CA10: variants seen among roughly 807,000 people sequenced by gnomAD.
CA10 encodes the protein carbonic anhydrase-related protein 10.
CA10 carries 14 observed loss-of-function variants against 44.2 expected under a neutral mutation model. The observed-to-expected ratio is 0.32, with a 90% CI of 0.21 to 0.50. CA10 has a LOEUF of 0.50. Ranked by LOEUF, CA10 falls within the 20% of genes least tolerant of loss-of-function variation. CA10 has a pLI of 0.99. For missense variants in CA10, 350 were observed against 409.7 expected (o/e 0.85, Z 1.26); for synonymous variants, 159 against 141.6 (o/e 1.12, Z -0.87).
intron 2 of CA10, among the ~76,000 whole-genome samples, chr17:51,937,946 C>T (rs1023754981): frequency 5.9e-5 from 9 of 152,084 alleles, no homozygotes; most frequent in African/African-American, 2.2e-4. Context: ...CAGAGATATA[C>T]TAGTCCTAAC....
At chr17:51,878,071 A>G (rs528312499) in intron 3 of CA10, among the ~76,000 whole-genome samples, 2 of 147,004 alleles carry the variant, frequency 1.4e-5, no homozygotes, top group African/African-American at 5.0e-5. Flanking sequence ...TTGAACCCAG[A>G]AGGCGGAGGT....
chr17:51,784,345 T>C (rs1423641127), intron 3 of CA10, among the ~76,000 whole-genome samples: 1 of 152,172 alleles, frequency 6.6e-6, no homozygotes, highest in Admixed American at 6.5e-5. Flanking sequence ...CTCTGAAAGG[T>C]GTGAGGGAAA....
intron 3 of CA10, among the ~76,000 whole-genome samples, chr17:51,768,531 C>T: frequency 6.6e-6 from 1 of 152,112 alleles, no homozygotes; most frequent in East Asian, 1.9e-4. Flanking sequence ...TAAGGCAAGC[C>T]AGCAAGAGTT....
At chr17:51,808,573 A>G (rs1907227686) in intron 3 of CA10, among the ~76,000 whole-genome samples, 2 of 152,238 alleles carry the variant, frequency 1.3e-5, no homozygotes, top group Admixed American at 1.3e-4. Context: ...TATTTACAAT[A>G]GAAGCTAATA....
intron 3 of CA10, among the ~76,000 whole-genome samples, chr17:51,766,487 A>C (rs115125000): frequency 1.3e-3 from 191 of 152,256 alleles, no homozygotes; most frequent in African/African-American, 4.5e-3. Flanking sequence ...GGTCAGGTTC[A>C]AGTTCTGGCT....
At chr17:51,686,295 A>G (rs936199149) in intron 4 of CA10, among the ~76,000 whole-genome samples, 1 of 152,160 alleles carries the variant, frequency 6.6e-6, no homozygotes, top group African/African-American at 2.4e-5. Flanking sequence ...TTCCTTTATA[A>G]ATTACCCAGT....
At chr17:52,070,041 C>T (rs888120574) in intron 2 of CA10, among the ~76,000 whole-genome samples, 1 of 152,178 alleles carries the variant, frequency 6.6e-6, no homozygotes, top group Non-Finnish European at 1.5e-5. Context: ...CATCTGGAGT[C>T]AGATGTTAGA....
At chr17:51,674,050 T>C (rs527266871) in intron 4 of CA10, among the ~76,000 whole-genome samples, 2 of 152,222 alleles carry the variant, frequency 1.3e-5, no homozygotes, top group Non-Finnish European at 1.5e-5. Context: ...GAGATGCTCA[T>C]GCATGCCTCT....
intron 1 of CA10, among the ~76,000 whole-genome samples, chr17:52,128,737 C>T (rs1430004794): frequency 6.6e-6 from 1 of 152,162 alleles, no homozygotes; most frequent in Non-Finnish European, 1.5e-5. Flanking sequence ...TTCTAACTTT[C>T]CCTCCCAGAC....
At chr17:51,645,442 G>T (rs1439120165) in intron 6 of CA10, among the ~76,000 whole-genome samples, 2 of 152,168 alleles carry the variant, frequency 1.3e-5, no homozygotes, top group Non-Finnish European at 2.9e-5. Context: ...CTGAATGACT[G>T]ATTTCCACTG....
In CA10 at chr17:51,794,235, G is replaced by A. The variant is rs113066499; in HGVS notation, c.280-46417C>T. ...GTTCCATTGTGAACAACAAAAATGAGCCTGTTAACAGGGCATTATGCTGCC... is the reference window on the plus strand; with the variant it reads ...GTTCCATTGTGAACAACAAAAATGAACCTGTTAACAGGGCATTATGCTGCC... On this transcript the variant is annotated intron_variant, in intron 3 of 8. Coordinates refer to ENST00000451037, the MANE Select transcript of CA10 (RefSeq NM_020178.5). Among the ~76,000 whole-genome samples, 353 of 152,340 alleles carry A rather than the reference G, an allele frequency of 2.3e-3. 2 individuals carry two copies. The highest frequency in any genetic ancestry group is 7.8e-3 in the African/African-American group (326 of 41,584).
chr17:51,805,320 G>A (rs1192099252), intron 3 of CA10, among the ~76,000 whole-genome samples: 1 of 152,204 alleles, frequency 6.6e-6, no homozygotes, highest in Non-Finnish European at 1.5e-5. Context: ...AAAGGTGATT[G>A]AGTAAAAGTC....
chr17:51,876,926 G>C (rs1313558345), intron 3 of CA10, among the ~76,000 whole-genome samples: 5 of 152,188 alleles, frequency 3.3e-5, no homozygotes, highest in Non-Finnish European at 1.5e-5. Flanking sequence ...TCTGTAATTA[G>C]GGAGTCCCTT....
At chr17:51,830,476 T>C (rs1908196898) in intron 3 of CA10, among the ~76,000 whole-genome samples, 1 of 152,194 alleles carries the variant, frequency 6.6e-6, no homozygotes, top group East Asian at 1.9e-4. Flanking sequence ...AATTCTATGC[T>C]TCCATGTTTT....
At chr17:52,008,520 C>G (rs1437869291) in intron 2 of CA10, among the ~76,000 whole-genome samples, 1 of 151,782 alleles carries the variant, frequency 6.6e-6, no homozygotes, top group East Asian at 1.9e-4. Flanking sequence ...ATGGAGTACT[C>G]TGCTAGAGCT....
chr17:52,125,347 G>A (rs185371202), intron 1 of CA10, among the ~76,000 whole-genome samples: 1 of 152,196 alleles, frequency 6.6e-6, no homozygotes, highest in African/African-American at 2.4e-5. Context: ...ACAGCCGGCT[G>A]GTTGGTGAGC....
At chr17:51,936,696 A>G (rs907206428) in intron 2 of CA10, among the ~76,000 whole-genome samples, 2 of 120,732 alleles carry the variant, frequency 1.7e-5, no homozygotes, top group African/African-American at 5.3e-5. Flanking sequence ...CTCCAAGTTA[A>G]TAGAAAGCCA....
rs564273956 is a variant in CA10 at position 52,127,759 on chromosome 17, T to G, written c.61+29967A>C. Among the ~76,000 whole-genome samples, 44 of 152,356 alleles carry G rather than the reference T, an allele frequency of 2.9e-4. 1 individual carries two copies. The South Asian group carries it at 3.1e-3, about 11-fold the overall frequency. On this transcript the variant is annotated intron_variant, in intron 1 of 8. Transcript: ENST00000451037. Reference sequence around the variant, plus strand: ...ACTCCTTTTTAATGCTTCTTTGTCCTTTCTTATTTCGGTTTTTAGCTGAAA... The same window carrying G: ...ACTCCTTTTTAATGCTTCTTTGTCCGTTCTTATTTCGGTTTTTAGCTGAAA...
At position 51,885,287 on chromosome 17, in the gene CA10, T is replaced by G. The variant is rs190332609; in HGVS notation, c.279+45703A>C. Among the ~76,000 whole-genome samples the G allele has an allele frequency of 2.6e-5, 4 of 152,284 alleles. No homozygotes were observed. The East Asian group carries it at 7.7e-4, about 29-fold the overall frequency. On this transcript the variant is annotated intron_variant, in intron 3 of 8. Coordinates refer to ENST00000451037, the MANE Select transcript of CA10 (RefSeq NM_020178.5). The stretch of plus-strand genomic sequence containing the variant: ...ACTAAATCCCTCTGCTAGCTCCTCA[T>G]GACCAAGAGGACGAAGGTCCAAACA...
Sources: allele counts gnomAD v4.1 joint callset (sites outside exome capture counted in the v4.1 genomes callset), GRCh38; gene constraint gnomAD v4.1.1; transcripts MANE v1.5; gene names NCBI Gene and HGNC (gene_info 2026-07-23, HGNC 2026-07-21).